ERBB4: variants seen among roughly 807,000 people sequenced by gnomAD.
The protein encoded by ERBB4 is erb-b2 receptor tyrosine kinase 4.
Under a neutral mutation model 158.0 loss-of-function variants are expected in ERBB4, and 42 were observed. That is an observed-to-expected ratio of 0.27 (90% CI 0.21 to 0.34). The LOEUF (loss-of-function observed/expected upper bound fraction) is 0.34, where lower values mean the gene tolerates loss of function less well. Ranked by LOEUF, ERBB4 falls within the 10% of genes least tolerant of loss-of-function variation. ERBB4 has a pLI of 1.00. For missense variants in ERBB4, 1,333 were observed against 1,624.1 expected (o/e 0.82, Z 3.08); for synonymous variants, 583 against 558.7 (o/e 1.04, Z -0.61).
At chr2:211,914,067 A>T (rs965826898) in intron 3 of ERBB4, among the ~76,000 whole-genome samples, 1 of 144,934 alleles carries the variant, frequency 6.9e-6, no homozygotes, top group African/African-American at 2.6e-5. Context: ...AAAAAAAAAA[A>T]CAAGGAGTCT....
At chr2:212,280,335 A>G (rs1331877995) in intron 1 of ERBB4, among the ~76,000 whole-genome samples, 1 of 151,606 alleles carries the variant, frequency 6.6e-6, no homozygotes, top group Non-Finnish European at 1.5e-5. Flanking sequence ...TTATCTGTCA[A>G]TGCCTTGGGT....
chr2:212,133,068 G>T lies in ERBB4; in HGVS notation c.83-8165C>A, dbSNP rs146173722. On this transcript the variant is annotated intron_variant, in intron 1 of 27. Transcript: ENST00000342788. Reference sequence around the variant, plus strand: ...AAGGTAAAGTCCTTTCTTCATGTTTGCTCTTTTTGATATCCTGTAACTTAA... The same window carrying T: ...AAGGTAAAGTCCTTTCTTCATGTTTTCTCTTTTTGATATCCTGTAACTTAA... Among the ~76,000 whole-genome samples, 424 of 152,052 alleles carry T rather than the reference G, an allele frequency of 2.8e-3. 5 individuals carry two copies. Among genetic ancestry groups the T allele is most frequent in the African/African-American group, 9.8e-3 (407 of 41,486 alleles).
chr2:212,027,916 T>C (rs1478099946), intron 2 of ERBB4, among the ~76,000 whole-genome samples: 1 of 152,092 alleles, frequency 6.6e-6, no homozygotes, highest in Non-Finnish European at 1.5e-5. Flanking sequence ...GAATATAGTA[T>C]TTTGAGAGCA....
chr2:212,515,652 T>C (rs1691783153), intron 1 of ERBB4, among the ~76,000 whole-genome samples: 1 of 151,932 alleles, frequency 6.6e-6, no homozygotes, highest in African/African-American at 2.4e-5. Context: ...ATATTGATAT[T>C]CAAATTATTC....
At chr2:212,347,791 C>A (rs2089077029) in intron 1 of ERBB4, among the ~76,000 whole-genome samples, 1 of 151,878 alleles carries the variant, frequency 6.6e-6, no homozygotes, top group Non-Finnish European at 1.5e-5. Context: ...AAATAACTGT[C>A]CATTTATTAA....
chr2:211,468,377 G>A (rs1443711046), intron 20 of ERBB4, among the ~76,000 whole-genome samples: 1 of 152,152 alleles, frequency 6.6e-6, no homozygotes, highest in Non-Finnish European at 1.5e-5. Flanking sequence ...AAATAGCACA[G>A]CAAGGATGAT....
chr2:211,947,381 C>T, intron 3 of ERBB4, 49 bp downstream of exon 3: 2 of 1,447,946 alleles, frequency 1.4e-6, no homozygotes, highest in Non-Finnish European at 1.9e-6. Flanking sequence ...ATACAATTGC[C>T]TTATATTGAT....
intron 2 of ERBB4, among the ~76,000 whole-genome samples, chr2:212,058,720 G>A (rs1419200643): frequency 2.0e-5 from 3 of 152,090 alleles, no homozygotes; most frequent in African/African-American, 4.8e-5. Context: ...TGCAGAAAAG[G>A]CCTTTGACAA....
intron 20 of ERBB4, among the ~76,000 whole-genome samples, chr2:211,476,567 GAAGA>G (rs2064959629): frequency 1.7e-5 from 2 of 120,442 alleles, no homozygotes; most frequent in Non-Finnish European, 3.2e-5. Context: ...AATAAAAAAT[GAAGA>G]AAAAAAAAAA....
At chr2:211,847,266 AAAACAG>A (rs371505518) in intron 3 of ERBB4, among the ~76,000 whole-genome samples, 2 of 143,866 alleles carry the variant, frequency 1.4e-5, no homozygotes, top group African/African-American at 2.5e-5. Flanking sequence ...ACATTAGATG[AAAACAG>A]AAACAATTGA....
At chr2:211,988,788 T>A (rs1047521828) in intron 2 of ERBB4, among the ~76,000 whole-genome samples, 4 of 152,090 alleles carry the variant, frequency 2.6e-5, no homozygotes, top group African/African-American at 9.6e-5. Context: ...GCTACTTTTA[T>A]CAATCTTTGC....
chr2:211,576,652 T>C (rs978272951), intron 19 of ERBB4, among the ~76,000 whole-genome samples: 2 of 152,162 alleles, frequency 1.3e-5, no homozygotes, highest in Admixed American at 6.6e-5. Context: ...GTACAATTAT[T>C]AAAAAGACAT....
At chr2:212,320,853 T>C (rs191165927) in intron 1 of ERBB4, among the ~76,000 whole-genome samples, 9 of 150,396 alleles carry the variant, frequency 6.0e-5, no homozygotes, top group East Asian at 2.0e-4. Context: ...GCCTTGAAAA[T>C]TGTAAAGCAT....
In ERBB4 at chr2:211,497,649, A is replaced by T. The variant is rs192524602; in HGVS notation, c.2487+64254T>A. 2.6e-5 allele frequency among the ~76,000 whole-genome samples: 4 copies of T among 152,252 alleles called. No homozygotes were observed. In the East Asian group the frequency reaches 7.7e-4, roughly 29 times the overall value. On this transcript the variant is annotated intron_variant, in intron 20 of 27. Coordinates refer to ENST00000342788, the MANE Select transcript of ERBB4 (RefSeq NM_005235.3). ...ATACATTGAGTTTAAGGCAAGAAAA[A>T]TTGACAGGACTTGCTACAAGTGATT...
In ERBB4 at chr2:212,170,566, G is replaced by A. The variant is rs62182563; in HGVS notation, c.83-45663C>T. 2.6e-5 allele frequency among the ~76,000 whole-genome samples: 4 copies of A among 152,292 alleles called. No individual in the cohort carries two copies. The East Asian group carries it at 5.8e-4, about 22-fold the overall frequency. On this transcript the variant is annotated intron_variant, in intron 1 of 27. Transcript: ENST00000342788. ...TGGCAGCCCCTCCCATCACAGGCAC[G>A]TAGGCCAAGGAGGAAAAAATGGTTT...
intron 1 of ERBB4, among the ~76,000 whole-genome samples, chr2:212,249,344 A>G (rs2084433774): frequency 6.6e-6 from 1 of 151,882 alleles, no homozygotes; most frequent in South Asian, 2.1e-4. Context: ...TGGAGAATGG[A>G]ATGAAATTTA....
In ERBB4 at chr2:212,211,675, G is replaced by A. The variant is rs2082939632; in HGVS notation, c.83-86772C>T. ...GCAGGTTTGTTACATAGGTATATGTGTGCCATGGTGGTTTGCTGCACCTAT... is the reference window on the plus strand; with the variant it reads ...GCAGGTTTGTTACATAGGTATATGTATGCCATGGTGGTTTGCTGCACCTAT... On this transcript the variant is annotated intron_variant, in intron 1 of 27. Transcript: ENST00000342788. Among the ~76,000 whole-genome samples the A allele has an allele frequency of 3.3e-5, 5 of 149,890 alleles. No individual in the cohort carries two copies. In the South Asian group the frequency reaches 1.1e-3, roughly 32 times the overall value.
intron 2 of ERBB4, among the ~76,000 whole-genome samples, chr2:212,044,175 T>TA (rs1281354579): frequency 6.6e-6 from 1 of 152,148 alleles, no homozygotes; most frequent in Non-Finnish European, 1.5e-5. Flanking sequence ...TTTTCCATGA[T>TA]ACCATTTTAC....
At chr2:211,405,286 T>C (rs2063124783) in intron 25 of ERBB4, among the ~76,000 whole-genome samples, 1 of 152,148 alleles carries the variant, frequency 6.6e-6, no homozygotes, top group South Asian at 2.1e-4. Flanking sequence ...AATTCGAATG[T>C]CTTCCGTTCG....
Sources: gnomAD v4.1 joint callset for allele counts (sites outside exome capture counted in the v4.1 genomes callset) on GRCh38, gnomAD v4.1.1 for gene constraint, MANE v1.5 for transcripts, NCBI Gene and HGNC (gene_info 2026-07-23, HGNC 2026-07-21) for gene names.